PDE1A: variants seen among roughly 807,000 people sequenced by gnomAD.
The protein encoded by PDE1A is dual specificity calcium/calmodulin-dependent 3',5'-cyclic nucleotide phosphodiesterase 1A.
Under a neutral mutation model 61.7 loss-of-function variants are expected in PDE1A, and 35 were observed. That is an observed-to-expected ratio of 0.57 (90% CI 0.43 to 0.75). The LOEUF is 0.75. PDE1A is among the 30% of genes least tolerant of loss of function. The pLI, the probability that PDE1A is intolerant of heterozygous loss-of-function variation, is 0.00. For missense variants in PDE1A, 597 were observed against 630.6 expected (o/e 0.95, Z 0.57); for synonymous variants, 232 against 213.2 (o/e 1.09, Z -0.77).
At chr2:182,709,645 T>C in the PDE1A span, among the ~76,000 whole-genome samples, 1 of 152,232 alleles carries the variant, frequency 6.6e-6, no homozygotes, top group East Asian at 1.9e-4. Context: ...ATGAGTAGCA[T>C]TTCTCCAAAT....
chr2:182,514,989 T>C (rs1479754569), intron 2 of PDE1A, among the ~76,000 whole-genome samples: 1 of 152,214 alleles, frequency 6.6e-6, no homozygotes, highest in African/African-American at 2.4e-5. Flanking sequence ...GCAAGTTTAA[T>C]CTGCAATAAA....
the PDE1A span, among the ~76,000 whole-genome samples, chr2:182,552,922 G>A: frequency 8.5e-5 from 13 of 152,166 alleles, 1 homozygote; most frequent in East Asian, 1.9e-4. Context: ...GCTGTTTGCC[G>A]CCCTCGCAGA....
chr2:182,598,301 G>A, the PDE1A span, among the ~76,000 whole-genome samples: 3 of 152,228 alleles, frequency 2.0e-5, no homozygotes, highest in Non-Finnish European at 4.4e-5. Context: ...ACCGGGCACA[G>A]TGGATCACGC....
At chr2:182,702,235 C>T in the PDE1A span, among the ~76,000 whole-genome samples, 2 of 152,168 alleles carry the variant, frequency 1.3e-5, 1 homozygote, top group Admixed American at 1.3e-4. Flanking sequence ...TCCCAAGTAG[C>T]TGGGATTGCA....
chr2:182,546,798 T>C, the PDE1A span, among the ~76,000 whole-genome samples: 1 of 152,212 alleles, frequency 6.6e-6, no homozygotes, highest in African/African-American at 2.4e-5. Flanking sequence ...TAACTCTAAA[T>C]GACAGGGTGT....
upstream of PDE1A, among the ~76,000 whole-genome samples, chr2:182,429,375 G>T (rs980924308): frequency 2.6e-5 from 4 of 152,020 alleles, no homozygotes; most frequent in Non-Finnish European, 5.9e-5. Flanking sequence ...CACAACTGTA[G>T]TGTGCAAAAT....
intron 2 of PDE1A, among the ~76,000 whole-genome samples, chr2:182,445,957 T>C (rs528358871): frequency 3.0e-4 from 46 of 152,184 alleles, no homozygotes; most frequent in Middle Eastern, 3.4e-3. Context: ...TTAGTTATGA[T>C]AGAAATGAGG....
chr2:182,556,981 C>A, the PDE1A span, among the ~76,000 whole-genome samples: 4,018 of 152,262 alleles, frequency 0.026, 179 homozygotes, highest in African/African-American at 0.091. Context: ...TATTATCATC[C>A]TGGAGAGAAC....
chr2:182,350,119 C>T (rs1644551710), intron 1 of PDE1A, among the ~76,000 whole-genome samples: 1 of 152,074 alleles, frequency 6.6e-6, no homozygotes, highest in South Asian at 2.1e-4. Context: ...GTAACTAACA[C>T]CATAGATTAG....
chr2:182,288,675 T>C (rs1042554299), intron 1 of PDE1A, among the ~76,000 whole-genome samples: 9 of 151,990 alleles, frequency 5.9e-5, no homozygotes, highest in African/African-American at 1.9e-4. Flanking sequence ...CTTAAACAGA[T>C]CACCAATGTA....
chr2:182,417,073 C>T (rs945888659), intron 1 of PDE1A, among the ~76,000 whole-genome samples: 10 of 152,232 alleles, frequency 6.6e-5, no homozygotes, highest in African/African-American at 2.4e-4. Flanking sequence ...CCTGGACTCT[C>T]TAGCCCAAAC....
At chr2:182,465,769 ACTT>A (rs1311813269) in intron 2 of PDE1A, among the ~76,000 whole-genome samples, 1 of 152,090 alleles carries the variant, frequency 6.6e-6, no homozygotes, top group Admixed American at 6.6e-5. Context: ...CACGATTATT[ACTT>A]CATCTTTTAA....
At chr2:182,480,666 G>C (rs1456466565) in intron 2 of PDE1A, among the ~76,000 whole-genome samples, 2 of 151,920 alleles carry the variant, frequency 1.3e-5, no homozygotes, top group Non-Finnish European at 1.5e-5. Flanking sequence ...AGGAGAATGG[G>C]TGTAGGTTAT....
At chr2:182,312,372 C>T (rs1696039038) in intron 1 of PDE1A, among the ~76,000 whole-genome samples, 1 of 151,916 alleles carries the variant, frequency 6.6e-6, no homozygotes, top group South Asian at 2.1e-4. Flanking sequence ...ACAATATTTG[C>T]CTAACTCAAG....
chr2:182,304,161 C>T (rs567824473), intron 1 of PDE1A, among the ~76,000 whole-genome samples: 1 of 152,228 alleles, frequency 6.6e-6, no homozygotes, highest in African/African-American at 2.4e-5. Context: ...GGATTATAGG[C>T]GTGAGCCACC....
At chr2:182,193,766 C>G (rs1685905690) in intron 10 of PDE1A, among the ~76,000 whole-genome samples, 1 of 151,932 alleles carries the variant, frequency 6.6e-6, no homozygotes, top group African/African-American at 2.4e-5. Context: ...ATATTAGAAC[C>G]CCTGGTGTAA....
the PDE1A span, among the ~76,000 whole-genome samples, chr2:182,699,787 T>C: frequency 2.6e-5 from 4 of 152,358 alleles, no homozygotes; most frequent in African/African-American, 7.2e-5. Flanking sequence ...TTTAAAAACA[T>C]GTTTTCTTAA....
At chr2:182,147,296 C>G (rs560439854) in intron 13 of PDE1A, 144 bp from the exon 14 acceptor site, 2 of 532,434 alleles carry the variant, frequency 3.8e-6, no homozygotes, top group African/African-American at 1.9e-5. Flanking sequence ...TCAAAGACAC[C>G]AAACATCTTC....
chr2:182,314,536 C>T (rs1341358810), intron 1 of PDE1A: 1 of 152,074 alleles, frequency 6.6e-6, no homozygotes, highest in African/African-American at 2.4e-5. Flanking sequence ...GTAGTGAGAC[C>T]CTGCTTCTTA....
Sources: allele counts gnomAD v4.1 joint callset (sites outside exome capture counted in the v4.1 genomes callset), GRCh38; gene constraint gnomAD v4.1.1; transcripts MANE v1.5; gene names NCBI Gene and HGNC (gene_info 2026-07-23, HGNC 2026-07-21).